PPP2R5E: variants seen among roughly 807,000 people sequenced by gnomAD.
PPP2R5E encodes the protein serine/threonine-protein phosphatase 2A 56 kDa regulatory subunit epsilon isoform.
PPP2R5E carries 4 observed loss-of-function variants against 65.3 expected under a neutral mutation model. The ratio of observed to expected loss-of-function variants is 0.06; its 90% CI spans 0.03 to 0.14. PPP2R5E has a LOEUF of 0.14. Ranked by LOEUF, PPP2R5E falls within the 10% of genes least tolerant of loss-of-function variation. The pLI is 1.00. For missense variants in PPP2R5E, 274 were observed against 556.1 expected (o/e 0.49, Z 5.10); for synonymous variants, 183 against 187.4 (o/e 0.98, Z 0.19).
At chr14:63,396,843 A>C in intron 5 of PPP2R5E, 127 bp from the exon 6 acceptor site, 6 of 1,146,224 alleles carry the variant, frequency 5.2e-6, no homozygotes, top group Non-Finnish European at 7.4e-6. Context: ...TGTGCCAAGC[A>C]CAGTGCTAGT....
chr14:63,442,895 TATC>T (rs1280370716), intron 3 of PPP2R5E, among the ~76,000 whole-genome samples: 3 of 152,180 alleles, frequency 2.0e-5, no homozygotes, highest in Non-Finnish European at 2.9e-5. Context: ...CCCCGGCAGT[TATC>T]ATTCCAAAGC....
At chr14:63,475,798 C>T (rs897014899) in intron 2 of PPP2R5E, among the ~76,000 whole-genome samples, 1 of 151,956 alleles carries the variant, frequency 6.6e-6, no homozygotes, top group Admixed American at 6.6e-5. Flanking sequence ...TTTTAAATAG[C>T]ATGCATTCAT....
At chr14:63,471,499 T>C (rs1291063261) in intron 2 of PPP2R5E, among the ~76,000 whole-genome samples, 2 of 152,210 alleles carry the variant, frequency 1.3e-5, no homozygotes, top group Non-Finnish European at 2.9e-5. Context: ...AGTCATCCCT[T>C]CCCAGTCATA....
intron 2 of PPP2R5E, among the ~76,000 whole-genome samples, chr14:63,511,283 C>G (rs1370465814): frequency 2.0e-5 from 3 of 152,134 alleles, no homozygotes; most frequent in African/African-American, 4.8e-5. Flanking sequence ...AAGTGGAGAA[C>G]CCCAGGCTTT....
intron 2 of PPP2R5E, among the ~76,000 whole-genome samples, chr14:63,479,999 T>C (rs1275855569): frequency 1.3e-5 from 2 of 152,226 alleles, no homozygotes; most frequent in African/African-American, 4.8e-5. Flanking sequence ...TTTTTCCTTT[T>C]TGTAATATAA....
chr14:63,403,265 T>A (rs748407019), intron 5 of PPP2R5E, among the ~76,000 whole-genome samples: 51 of 151,272 alleles, frequency 3.4e-4, no homozygotes, highest in Non-Finnish European at 2.2e-4. Flanking sequence ...CTGTCTCTAC[T>A]GAAAATACAA....
intron 2 of PPP2R5E, among the ~76,000 whole-genome samples, chr14:63,480,778 A>C (rs1890658804): frequency 6.6e-6 from 1 of 151,988 alleles, no homozygotes; most frequent in African/African-American, 2.4e-5. Flanking sequence ...TCATCCTAAA[A>C]CCACCAGCCT....
chr14:63,474,369 T>TA (rs777772157), intron 2 of PPP2R5E, among the ~76,000 whole-genome samples: 3 of 151,726 alleles, frequency 2.0e-5, no homozygotes, highest in African/African-American at 2.4e-5. Context: ...AGTCAGCAAG[T>TA]AAAAGAGGGA....
chr14:63,393,621 AG>A (rs1252415898), intron 8 of PPP2R5E, among the ~76,000 whole-genome samples, 198 bp downstream of exon 8: 1 of 152,128 alleles, frequency 6.6e-6, no homozygotes, highest in Non-Finnish European at 1.5e-5. Context: ...CTGAGGCAGA[AG>A]AATTGCTTGA....
At chr14:63,384,975 G>A (rs576138502) in intron 11 of PPP2R5E, among the ~76,000 whole-genome samples, 56 of 151,992 alleles carry the variant, frequency 3.7e-4, no homozygotes, top group Admixed American at 1.4e-3. Context: ...GATTACAGGC[G>A]TGAACCACCG....
chr14:63,542,599 G>T (rs990042227), intron 1 of PPP2R5E, among the ~76,000 whole-genome samples, 180 bp downstream of exon 1: 1 of 152,274 alleles, frequency 6.6e-6, no homozygotes, highest in East Asian at 1.9e-4. Context: ...GGTATCATCA[G>T]AAGCATTTGT....
intron 1 of PPP2R5E, among the ~76,000 whole-genome samples, chr14:63,542,361 G>A (rs909651628): frequency 6.6e-6 from 1 of 152,134 alleles, no homozygotes; most frequent in Non-Finnish European, 1.5e-5. Flanking sequence ...AAGGGGGTAA[G>A]GGGAAGTAGG....
chr14:63,540,267 C>T (rs945620264), intron 1 of PPP2R5E, among the ~76,000 whole-genome samples: 1 of 150,640 alleles, frequency 6.6e-6, no homozygotes, highest in African/African-American at 2.4e-5. Context: ...CCTGTGTCTA[C>T]TAAAAATACA....
At chr14:63,432,748 T>C (rs952937466) in intron 3 of PPP2R5E, among the ~76,000 whole-genome samples, 2 of 152,138 alleles carry the variant, frequency 1.3e-5, no homozygotes, top group South Asian at 4.1e-4. Context: ...TATGCAGTGA[T>C]CACTAATGCC....
intron 2 of PPP2R5E, among the ~76,000 whole-genome samples, chr14:63,517,461 C>CTGAT (rs1407050857): frequency 6.6e-6 from 1 of 151,998 alleles, no homozygotes; most frequent in African/African-American, 2.4e-5. Flanking sequence ...CATTTAAGCA[C>CTGAT]TATCAAAAAC....
intron 8 of PPP2R5E, among the ~76,000 whole-genome samples, chr14:63,393,482 G>T (rs1885141719): frequency 6.6e-6 from 1 of 152,184 alleles, no homozygotes; most frequent in South Asian, 2.1e-4. Flanking sequence ...GGGAGGCCAA[G>T]GTGGGCGGAT....
chr14:63,432,453 G>A (rs1047028914), intron 3 of PPP2R5E, among the ~76,000 whole-genome samples: 1 of 152,164 alleles, frequency 6.6e-6, no homozygotes, highest in African/African-American at 2.4e-5. Flanking sequence ...ATCTGTCCAT[G>A]AGATATCAAG....
chr14:63,452,703 C>CA (rs1888911356), intron 3 of PPP2R5E: 1 of 152,192 alleles, frequency 6.6e-6, no homozygotes, highest in Non-Finnish European at 1.5e-5. Flanking sequence ...GTCACAGTCT[C>CA]ACGCTGAGAT....
chr14:63,395,137 G>C (rs929551556), intron 7 of PPP2R5E, 89 bp downstream of exon 7: 8 of 1,067,218 alleles, frequency 7.5e-6, no homozygotes, highest in African/African-American at 1.6e-5. Context: ...TACAGCAAGA[G>C]AACTAGGTGA....
Sources: gnomAD v4.1 joint callset for allele counts (sites outside exome capture counted in the v4.1 genomes callset) on GRCh38, gnomAD v4.1.1 for gene constraint, MANE v1.5 for transcripts, NCBI Gene and HGNC (gene_info 2026-07-23, HGNC 2026-07-21) for gene names.